TOP6BL: variants seen among roughly 807,000 people sequenced by gnomAD.
TOP6BL encodes type 2 DNA topoisomerase 6 subunit B-like.
At chr11:66,768,898 T>A in the TOP6BL span, among the ~76,000 whole-genome samples, 1 of 152,198 alleles carries the variant, frequency 6.6e-6, no homozygotes, top group Non-Finnish European at 1.5e-5. Flanking sequence ...GGGAGCTGGC[T>A]CATTCTCTGG....
chr11:66,779,808 T>C, the TOP6BL span, among the ~76,000 whole-genome samples: 14 of 151,938 alleles, frequency 9.2e-5, no homozygotes, highest in Non-Finnish European at 1.9e-4. Context: ...GTGGCACATA[T>C]ACCATGGAAT....
At chr11:66,767,390 C>A in the TOP6BL span, among the ~76,000 whole-genome samples, 1 of 152,106 alleles carries the variant, frequency 6.6e-6, no homozygotes, top group African/African-American at 2.4e-5. Flanking sequence ...CTCAGCTCTG[C>A]TTCCTATTAT....
the TOP6BL span, among the ~76,000 whole-genome samples, chr11:66,767,478 G>C: frequency 6.6e-6 from 1 of 151,998 alleles, no homozygotes; most frequent in Non-Finnish European, 1.5e-5. Flanking sequence ...TTATTTTGCT[G>C]CTTTTTCCTC....
the TOP6BL span, among the ~76,000 whole-genome samples, chr11:66,796,686 G>C: frequency 2.6e-5 from 4 of 151,708 alleles, no homozygotes; most frequent in African/African-American, 9.7e-5. Flanking sequence ...AGGAGGGTGA[G>C]GTGAGAGGAT....
chr11:66,830,149 T>C, the TOP6BL span, among the ~76,000 whole-genome samples: 1 of 152,186 alleles, frequency 6.6e-6, no homozygotes, highest in South Asian at 2.1e-4. Flanking sequence ...ATAGAACATA[T>C]TCTAAGGCAT....
the TOP6BL span, among the ~76,000 whole-genome samples, chr11:66,791,296 T>C: frequency 6.6e-6 from 1 of 152,212 alleles, no homozygotes; most frequent in Non-Finnish European, 1.5e-5. Flanking sequence ...TCTTACATCT[T>C]GGTGTTCATT....
At chr11:66,752,122 C>T in the TOP6BL span, among the ~76,000 whole-genome samples, 1 of 150,634 alleles carries the variant, frequency 6.6e-6, no homozygotes, top group Non-Finnish European at 1.5e-5. Context: ...GGATTTTGTG[C>T]TTCCTGAATC....
chr11:66,757,493 A>T, the TOP6BL span, among the ~76,000 whole-genome samples: 1 of 152,202 alleles, frequency 6.6e-6, no homozygotes, highest in Non-Finnish European at 1.5e-5. Context: ...CTTCTTTGTG[A>T]TGATGGAAAT....
the TOP6BL span, among the ~76,000 whole-genome samples, chr11:66,813,455 C>T: frequency 5.3e-4 from 80 of 152,202 alleles, no homozygotes; most frequent in Non-Finnish European, 8.5e-4. Flanking sequence ...ACTGCATAGG[C>T]TGGGCATGAT....
At chr11:66,772,773 T>G in the TOP6BL span, among the ~76,000 whole-genome samples, 3 of 152,208 alleles carry the variant, frequency 2.0e-5, no homozygotes, top group African/African-American at 7.2e-5. Context: ...TGCCATAATT[T>G]TATTAAGAAT....
At chr11:66,759,824 C>T in the TOP6BL span, among the ~76,000 whole-genome samples, 2 of 152,292 alleles carry the variant, frequency 1.3e-5, no homozygotes, top group African/African-American at 4.8e-5. Context: ...CTCAGGCAAT[C>T]TGCCTGCCTC....
chr11:66,798,513 T>G, the TOP6BL span, among the ~76,000 whole-genome samples: 8,314 of 147,436 alleles, frequency 0.056, 315 homozygotes, highest in East Asian at 0.12. Context: ...GGCAGGAGAA[T>G]CGCTTGAACC....
the TOP6BL span, among the ~76,000 whole-genome samples, chr11:66,793,658 C>T: frequency 6.6e-6 from 1 of 151,766 alleles, no homozygotes; most frequent in Non-Finnish European, 1.5e-5. Flanking sequence ...TTGGCCAGCC[C>T]TGGTCTTGAA....
At chr11:66,839,100 T>A in the TOP6BL span, 1 of 456,170 alleles carries the variant, frequency 2.2e-6, no homozygotes, top group Non-Finnish European at 4.4e-6. Context: ...GCAATTATAC[T>A]GAAGTCTTTT....
chr11:66,783,924 G>A, the TOP6BL span, among the ~76,000 whole-genome samples: 1 of 152,252 alleles, frequency 6.6e-6, no homozygotes, highest in South Asian at 2.1e-4. Context: ...CTCCTGGCCT[G>A]AGGTAATCCT....
chr11:66,827,514 T>C, the TOP6BL span, among the ~76,000 whole-genome samples: 1 of 151,290 alleles, frequency 6.6e-6, no homozygotes, highest in Non-Finnish European at 1.5e-5. Flanking sequence ...TTTGTTCCTC[T>C]CCTCCCTAAA....
the TOP6BL span, among the ~76,000 whole-genome samples, chr11:66,746,402 CATG>C: frequency 6.6e-6 from 1 of 151,644 alleles, no homozygotes; most frequent in African/African-American, 2.4e-5. Flanking sequence ...GCCTGGCTAA[CATG>C]AGGAAACTCC....
chr11:66,768,892 G>A, the TOP6BL span, among the ~76,000 whole-genome samples: 1 of 152,276 alleles, frequency 6.6e-6, no homozygotes, highest in East Asian at 1.9e-4. Flanking sequence ...GATCCTGGGA[G>A]CTGGCTCATT....
the TOP6BL span, chr11:66,828,573 CG>C: frequency 2.0e-6 from 1 of 505,236 alleles, no homozygotes; most frequent in Non-Finnish European, 3.6e-6. Context: ...TCTTGAAAAC[CG>C]TTGTTTCATG....
Sources: gnomAD v4.1 joint callset for allele counts (sites outside exome capture counted in the v4.1 genomes callset) on GRCh38, gnomAD v4.1.1 for gene constraint, MANE v1.5 for transcripts, NCBI Gene and HGNC (gene_info 2026-07-23, HGNC 2026-07-21) for gene names.